Variants in FAM110B observed in about 807,000 individuals in gnomAD.
FAM110B encodes the protein protein FAM110B.
FAM110B carries 6 observed loss-of-function variants against 20.4 expected under a neutral mutation model. That is an observed-to-expected ratio of 0.29 (90% CI 0.16 to 0.58). The LOEUF (loss-of-function observed/expected upper bound fraction) is 0.58, where lower values mean the gene tolerates loss of function less well. Among genes scored for constraint, FAM110B ranks in the 20% least tolerant of loss-of-function variants. The probability of loss-of-function intolerance (pLI) is 0.90; values close to 1 mark genes in which losing one functional copy is unlikely to be tolerated. For synonymous variants in FAM110B, 226 were observed against 214.1 expected, an observed-to-expected ratio of 1.06 and a Z score of -0.49; for missense variants, 434 against 498.2, an observed-to-expected ratio of 0.87 and a Z score of 1.23.
intron 3 of FAM110B, among the ~76,000 whole-genome samples, chr8:58,094,677 C>A (rs936603007): frequency 1.3e-5 from 2 of 152,112 alleles, no homozygotes; most frequent in Non-Finnish European, 2.9e-5. Context: ...CTTTTCACAT[C>A]GATGTTCGTC....
At chr8:58,004,475 TG>T (rs1804361693) in intron 1 of FAM110B, among the ~76,000 whole-genome samples, 1 of 152,240 alleles carries the variant, frequency 6.6e-6, no homozygotes, top group Admixed American at 6.5e-5. Context: ...CCGGGCACAC[TG>T]GCTCATACCT....
intron 2 of FAM110B, among the ~76,000 whole-genome samples, chr8:58,051,457 T>C (rs1443809496): frequency 6.6e-6 from 1 of 152,114 alleles, no homozygotes; most frequent in Non-Finnish European, 1.5e-5. Context: ...TTGCTACTAT[T>C]GGTGGTGGTA....
rs1429367462 is a variant in FAM110B at position 58,065,989 on chromosome 8, A to G, written c.-413-9546A>G. On this transcript the variant is annotated intron_variant, in intron 2 of 3. Transcript: ENST00000519262. ...AAATAAATACTAGTTAAATGTCATT[A>G]TGAGGACAGGGAGGAGGAGCCGTGA... Among the ~76,000 whole-genome samples, 4 of 152,174 alleles carry G rather than the reference A, an allele frequency of 2.6e-5. No individual in the cohort carries two copies. The East Asian group carries it at 5.8e-4, about 22-fold the overall frequency.
intron 1 of FAM110B, among the ~76,000 whole-genome samples, chr8:58,011,189 C>CTAAGGT (rs1211195943): frequency 1.3e-5 from 2 of 152,132 alleles, no homozygotes; most frequent in African/African-American, 4.8e-5. Context: ...AAGAAAGACC[C>CTAAGGT]TAAGGTTAAA....
intron 1 of FAM110B, among the ~76,000 whole-genome samples, chr8:57,998,353 T>G (rs1367109287): frequency 6.6e-6 from 1 of 152,202 alleles, no homozygotes; most frequent in African/African-American, 2.4e-5. Flanking sequence ...TCAGGTGTTC[T>G]GAGAGCAGCA....
chr8:58,043,512 A>G (rs140673385), intron 2 of FAM110B, among the ~76,000 whole-genome samples: 7,462 of 151,928 alleles, frequency 0.049, 634 homozygotes, highest in African/African-American at 0.17. Flanking sequence ...TCTAGGGTAC[A>G]TGTGCACAAC....
chr8:58,011,875 A>G (rs760960249), intron 1 of FAM110B, among the ~76,000 whole-genome samples: 1 of 152,180 alleles, frequency 6.6e-6, no homozygotes, highest in Non-Finnish European at 1.5e-5. Flanking sequence ...TAGGCAGCAT[A>G]CAGGTGGCAA....
At position 58,146,915 on chromosome 8, in the gene FAM110B, A is replaced by C. The variant is rs1563387325; in HGVS notation, c.685A>C (p.Lys229Gln). ...TGCCCCTCCCCTGCCTCCCAAGCCC[A>C]AAATCGCAGCCATCGCCTCCATGAA... ...SSAPPLPPKP[K>Q]IAAIASMKSP... The change falls in exon 4 of 4, where the codon AAA becomes CAA. Residue 229 changes from lysine to glutamine, a missense_variant. This residue lies in a region of FAM110B where 284 missense variants were observed against 278.3 expected (regional missense o/e 1.02). Coordinates refer to ENST00000519262, the MANE Select transcript of FAM110B (RefSeq NM_001377989.1). 1.9e-6 allele frequency: 3 copies of C among 1,614,180 alleles called. No individual in the cohort carries two copies. The highest frequency in any genetic ancestry group is 2.2e-5 in the East Asian group (1 of 44,882).
chr8:58,040,688 G>GGT (rs571065772), intron 2 of FAM110B, among the ~76,000 whole-genome samples: 85 of 152,096 alleles, frequency 5.6e-4, no homozygotes, highest in Non-Finnish European at 1.0e-3. Context: ...CTTTAAAATT[G>GGT]TATTTTGATT....
At chr8:58,019,782 A>G (rs1484103158) in intron 1 of FAM110B, among the ~76,000 whole-genome samples, 2 of 151,518 alleles carry the variant, frequency 1.3e-5, no homozygotes, top group Non-Finnish European at 2.9e-5. Context: ...ATTTTCATTT[A>G]TGTTTTATTT....
chr8:58,023,324 TA>T (rs1804792463), intron 1 of FAM110B, among the ~76,000 whole-genome samples: 1 of 152,232 alleles, frequency 6.6e-6, no homozygotes, highest in African/African-American at 2.4e-5. Flanking sequence ...GTTTTTACTT[TA>T]AATAAGTATT....
At chr8:58,135,143 G>T (rs559691270) in intron 3 of FAM110B, among the ~76,000 whole-genome samples, 1 of 152,286 alleles carries the variant, frequency 6.6e-6, no homozygotes, top group South Asian at 2.1e-4. Context: ...CCCCTCCATA[G>T]CTGAACATCT....
intron 2 of FAM110B, among the ~76,000 whole-genome samples, chr8:58,063,883 A>G (rs1190332933): frequency 6.6e-6 from 1 of 152,210 alleles, no homozygotes; most frequent in African/African-American, 2.4e-5. Flanking sequence ...TCGCATTGCT[A>G]TAAAGAAATG....
At chr8:58,034,880 T>C (rs1006249196) in intron 2 of FAM110B, among the ~76,000 whole-genome samples, 4 of 152,172 alleles carry the variant, frequency 2.6e-5, no homozygotes. Context: ...TCAGCAAATG[T>C]GTTCAGAATG....
chr8:58,056,673 T>A (rs193069066), intron 2 of FAM110B, among the ~76,000 whole-genome samples: 1 of 152,240 alleles, frequency 6.6e-6, no homozygotes, highest in Non-Finnish European at 1.5e-5. Flanking sequence ...CATGTGTGCA[T>A]GCATTTCTGT....
At chr8:58,056,670 G>A (rs1805552640) in intron 2 of FAM110B, among the ~76,000 whole-genome samples, 1 of 152,210 alleles carries the variant, frequency 6.6e-6, no homozygotes, top group Admixed American at 6.5e-5. Flanking sequence ...GTTCATGTGT[G>A]CATGCATTTC....
intron 3 of FAM110B, among the ~76,000 whole-genome samples, chr8:58,098,129 G>A (rs1806680823): frequency 6.6e-6 from 1 of 152,252 alleles, no homozygotes; most frequent in African/African-American, 2.4e-5. Flanking sequence ...TAAGTCTGCT[G>A]AAGCTGCACC....
rs1043634987 is a variant in FAM110B, at chr8:57,994,711, C to T, written c.-607C>T. 2 of 152,276 alleles carry T rather than the reference C, an allele frequency of 1.3e-5. No individual in the cohort carries two copies. Among genetic ancestry groups the T allele is most frequent in the East Asian group, 3.9e-4 (2 of 5,132 alleles). 9.4% of individuals were successfully genotyped at this position (152,276 alleles called of 1,614,324 possible). A position where few individuals can be genotyped will look rare whatever the true frequency, so the allele number is the denominator to read the frequency against. On this transcript the variant is annotated 5_prime_UTR_variant, in exon 1 of 4. Transcript: ENST00000519262. ...CCCCTACAGCCCGCTCTCGGCCCTT[C>T]GTCCCTCGCGGGCCCCGACTCTCCC...
intron 3 of FAM110B, among the ~76,000 whole-genome samples, chr8:58,115,740 C>T (rs1434792813): frequency 2.6e-5 from 4 of 152,160 alleles, no homozygotes; most frequent in East Asian, 1.9e-4. Context: ...TTCCAGACAT[C>T]GGTACTGTAC....
Sources: allele counts gnomAD v4.1 joint callset (sites outside exome capture counted in the v4.1 genomes callset), GRCh38; gene constraint gnomAD v4.1.1; regional missense constraint gnomAD v4.1.1; transcripts MANE v1.5; gene names NCBI Gene and HGNC (gene_info 2026-07-23, HGNC 2026-07-21).